The following IPO11 variants were observed in gnomAD, a reference collection of about 807,000 sequenced individuals.
The protein encoded by IPO11 is importin-11.
A neutral mutation model predicts 143.2 loss-of-function variants in IPO11; 66 were observed. The observed-to-expected ratio is 0.46, with a 90% CI of 0.38 to 0.57. The LOEUF is 0.57. IPO11 is among the 20% of genes least tolerant of loss of function. The probability of loss-of-function intolerance (pLI) is 0.00; values close to 1 mark genes in which losing one functional copy is unlikely to be tolerated. For synonymous variants in IPO11, 385 were observed against 377.8 expected, an observed-to-expected ratio of 1.02 and a Z score of -0.22; for missense variants, 1,026 against 1,141.0, an observed-to-expected ratio of 0.90 and a Z score of 1.45.
At chr5:62,595,534 T>C (rs1464892473) in intron 28 of IPO11, among the ~76,000 whole-genome samples, 1 of 152,214 alleles carries the variant, frequency 6.6e-6, no homozygotes, top group African/African-American at 2.4e-5. Flanking sequence ...AAAATGGAAA[T>C]GGGCTTTTAT....
At chr5:62,585,443 C>T (rs1026358115) in intron 27 of IPO11, among the ~76,000 whole-genome samples, 11 of 152,114 alleles carry the variant, frequency 7.2e-5, no homozygotes, top group African/African-American at 2.7e-4. Context: ...GGAAAGCCCC[C>T]TGTGAAAGCC....
intron 1 of IPO11, among the ~76,000 whole-genome samples, chr5:62,419,395 T>G (rs1217375284): frequency 6.6e-6 from 1 of 152,228 alleles, no homozygotes; most frequent in Non-Finnish European, 1.5e-5. Context: ...TATAAACTTT[T>G]TGTCTCTGTT....
intron 3 of IPO11, among the ~76,000 whole-genome samples, chr5:62,445,317 C>G (rs1359764470): frequency 1.3e-5 from 2 of 152,076 alleles, no homozygotes; most frequent in Admixed American, 6.6e-5. Flanking sequence ...TAATTAAATA[C>G]TGTCCAATTT....
chr5:62,483,365 CTT>C (rs905513572), intron 10 of IPO11, 72 bp downstream of exon 10: 67 of 907,216 alleles, frequency 7.4e-5, no homozygotes, highest in Non-Finnish European at 1.0e-4. Flanking sequence ...TAATTACAAA[CTT>C]TTTAAAAAAT....
chr5:62,515,995 AGAGCTG>A (rs532384600), intron 20 of IPO11, among the ~76,000 whole-genome samples: 134 of 152,340 alleles, frequency 8.8e-4, no homozygotes, highest in African/African-American at 3.1e-3. Context: ...CCTGAAACTT[AGAGCTG>A]GACTATAGTT....
chr5:62,585,014 G>A (rs1386032115), intron 27 of IPO11, among the ~76,000 whole-genome samples: 1 of 152,164 alleles, frequency 6.6e-6, no homozygotes, highest in African/African-American at 2.4e-5. Flanking sequence ...CCTGAATAAT[G>A]TGGAGACCTT....
At chr5:62,457,506 C>T (rs1745205880) in intron 5 of IPO11, among the ~76,000 whole-genome samples, 1 of 152,106 alleles carries the variant, frequency 6.6e-6, no homozygotes, top group African/African-American at 2.4e-5. Flanking sequence ...TTCTGCTAAA[C>T]AACACATGAA....
At chr5:62,435,177 T>TAG (rs1744163015) in intron 1 of IPO11, among the ~76,000 whole-genome samples, 1 of 78,234 alleles carries the variant, frequency 1.3e-5, no homozygotes, top group Non-Finnish European at 2.7e-5. Flanking sequence ...TATATGTATA[T>TAG]ATGTATATAT....
At chr5:62,583,156 A>G (rs1744632206) in intron 27 of IPO11, among the ~76,000 whole-genome samples, 1 of 152,176 alleles carries the variant, frequency 6.6e-6, no homozygotes, top group Non-Finnish European at 1.5e-5. Flanking sequence ...GACATTTTTA[A>G]TAATGTATTT....
At chr5:62,614,419 A>G (rs1356957347) in intron 29 of IPO11, among the ~76,000 whole-genome samples, 2 of 152,216 alleles carry the variant, frequency 1.3e-5, no homozygotes, top group East Asian at 3.9e-4. Context: ...TCCCGCCAGC[A>G]TTGTCATTAC....
At chr5:62,482,531 G>A (rs1580230850) in intron 9 of IPO11, among the ~76,000 whole-genome samples, 1 of 152,228 alleles carries the variant, frequency 6.6e-6, no homozygotes, top group Non-Finnish European at 1.5e-5. Context: ...AGATTGATGA[G>A]TGATCTATCA....
intron 29 of IPO11, among the ~76,000 whole-genome samples, chr5:62,616,475 T>C (rs1360420418): frequency 6.6e-6 from 1 of 152,146 alleles, no homozygotes; most frequent in East Asian, 1.9e-4. Flanking sequence ...GGCTCACACC[T>C]GTAATCCCAG....
At chr5:62,608,958 C>T (rs984919978) in intron 29 of IPO11, among the ~76,000 whole-genome samples, 3 of 152,194 alleles carry the variant, frequency 2.0e-5, no homozygotes, top group Non-Finnish European at 2.9e-5. Context: ...CTGTCTCCAT[C>T]GTTTTGTCTT....
intron 12 of IPO11, 82 bp from the exon 13 acceptor site, chr5:62,487,689 A>T: frequency 8.0e-7 from 1 of 1,254,012 alleles, no homozygotes. Flanking sequence ...GAATTTTAAG[A>T]TTAAGTATTT....
At position 62,583,567 on chromosome 5, in the gene IPO11, G is replaced by A. The variant is rs540152502; in HGVS notation, c.2583-8010G>A. 6.9e-4 allele frequency among the ~76,000 whole-genome samples: 105 copies of A among 152,124 alleles called. 1 individual carries two copies. Among genetic ancestry groups the A allele is most frequent in the African/African-American group, 2.5e-3 (102 of 41,520 alleles). On this transcript the variant is annotated intron_variant, in intron 27 of 29. Coordinates refer to ENST00000325324, the MANE Select transcript of IPO11 (RefSeq NM_016338.5). ...TTCTATACAGTGGTATTCATTAAAT[G>A]TTCATTTCAGTCTTTGTCAGCTATT...
intron 3 of IPO11, among the ~76,000 whole-genome samples, chr5:62,444,887 C>T (rs1476957650): frequency 2.7e-5 from 4 of 149,324 alleles, no homozygotes; most frequent in African/African-American, 7.4e-5. Flanking sequence ...GAGAGAGAGA[C>T]ATATATATAT....
chr5:62,442,452 C>T (rs1660600545), intron 2 of IPO11, among the ~76,000 whole-genome samples: 1 of 152,184 alleles, frequency 6.6e-6, no homozygotes, highest in Non-Finnish European at 1.5e-5. Flanking sequence ...CAGCTTTGAA[C>T]AGTTAACATA....
intron 27 of IPO11, among the ~76,000 whole-genome samples, chr5:62,572,112 G>A (rs1458268211): frequency 2.0e-5 from 3 of 152,210 alleles, no homozygotes; most frequent in Admixed American, 2.0e-4. Flanking sequence ...AGGCTATTGA[G>A]TACCTCAAGT....
At chr5:62,451,643 A>G in intron 4 of IPO11, 87 bp from the exon 5 acceptor site, 2 of 982,160 alleles carry the variant, frequency 2.0e-6, no homozygotes, top group South Asian at 1.5e-5. Flanking sequence ...ATTTTTGTCA[A>G]GTGTATAATT....
Sources: allele counts gnomAD v4.1 joint callset (sites outside exome capture counted in the v4.1 genomes callset), GRCh38; gene constraint gnomAD v4.1.1; transcripts MANE v1.5; gene names NCBI Gene and HGNC (gene_info 2026-07-23, HGNC 2026-07-21).